The following PRKAR1B variants were observed in gnomAD, a reference collection of about 807,000 sequenced individuals.
The protein encoded by PRKAR1B is protein kinase cAMP-dependent type I regulatory subunit beta.
Under a neutral mutation model 46.5 loss-of-function variants are expected in PRKAR1B, and 22 were observed. The ratio of observed to expected loss-of-function variants is 0.47; its 90% CI spans 0.34 to 0.68. The LOEUF is 0.68. Ranked by LOEUF, PRKAR1B falls within the 30% of genes least tolerant of loss-of-function variation. The pLI is 0.01. For missense variants in PRKAR1B, 445 were observed against 535.6 expected (o/e 0.83, Z 1.67); for synonymous variants, 259 against 217.7 (o/e 1.19, Z -1.67).
rs912212325 is a variant in PRKAR1B, at chr7:637,822, A to T, written c.441-30370T>A. On this transcript the variant is annotated intron_variant, in intron 4 of 10. Transcript: ENST00000537384. ...CACTCCAGCCTGGGGGACAAGAGAG[A>T]GACTCCATCTAAAAAAATAAATAAA... Among the ~76,000 whole-genome samples, 4 of 151,854 alleles carry T rather than the reference A, an allele frequency of 2.6e-5. No homozygotes were observed. In the East Asian group the frequency reaches 7.7e-4, roughly 29 times the overall value.
chr7:588,606 G>A lies in PRKAR1B; in HGVS notation c.709-4038C>T, dbSNP rs200526498. On this transcript the variant is annotated intron_variant, in intron 7 of 10. Coordinates refer to ENST00000537384, the MANE Select transcript of PRKAR1B (RefSeq NM_001164760.2). ...GACAGTGGTGATGACGGTGGTGATGGTGATGGTGGTGATGGTGATGGTGGT... is the reference window on the plus strand; with the variant it reads ...GACAGTGGTGATGACGGTGGTGATGATGATGGTGGTGATGGTGATGGTGGT... Among the ~76,000 whole-genome samples, 53 of 108,820 alleles carry A rather than the reference G, an allele frequency of 4.9e-4. 2 individuals carry two copies. Among genetic ancestry groups the A allele is most frequent in the African/African-American group, 1.7e-3 (44 of 26,596 alleles). 71.4% of individuals were successfully genotyped at this position (108,820 alleles called of 152,430 possible). A position where few individuals can be genotyped will look rare whatever the true frequency, so the allele number is the denominator to read the frequency against.
chr7:603,322 G>A (rs144189642), intron 6 of PRKAR1B: 2,848 of 152,510 alleles, frequency 0.019, 34 homozygotes, highest in Middle Eastern at 0.048. Flanking sequence ...AAGCCCAGCC[G>A]CAGATAGATG....
chr7:718,555 C>T (rs887070751), intron 1 of PRKAR1B, among the ~76,000 whole-genome samples: 3 of 151,848 alleles, frequency 2.0e-5, no homozygotes, highest in African/African-American at 7.3e-5. Context: ...CGGGGTTTGA[C>T]CATGTTGGCC....
chr7:678,801 G>A (rs752029841), intron 3 of PRKAR1B, among the ~76,000 whole-genome samples: 4 of 152,214 alleles, frequency 2.6e-5, no homozygotes, highest in African/African-American at 7.2e-5. Flanking sequence ...AAATGTAAGT[G>A]TTGGATGGGC....
chr7:678,429 C>A (rs1778463482), intron 3 of PRKAR1B, among the ~76,000 whole-genome samples: 1 of 152,144 alleles, frequency 6.6e-6, no homozygotes, highest in Admixed American at 6.5e-5. Context: ...CTGCAGTCAC[C>A]CCACCGTGCA....
chr7:606,301 C>A lies in PRKAR1B; in HGVS notation c.503-62G>T, dbSNP rs539416999. 4 of 1,536,364 alleles carry A rather than the reference C, an allele frequency of 2.6e-6. No homozygotes were observed. In the African/African-American group the frequency reaches 5.5e-5, roughly 21 times the overall value. ...CATCCAGACATACAAGTTACAGTTT[C>A]TCTTGCAAACGACTTTCGCAACACT... On this transcript the variant is annotated intron_variant, in intron 5 of 10. Transcript: ENST00000537384.
intron 7 of PRKAR1B, among the ~76,000 whole-genome samples, chr7:595,013 CT>C (rs1015737788): frequency 6.6e-6 from 1 of 152,238 alleles, no homozygotes; most frequent in Non-Finnish European, 1.5e-5. Flanking sequence ...GCCCAGGGAA[CT>C]GGGTCCACAT....
rs1394712973 is a variant in PRKAR1B at position 714,096 on chromosome 7, C to T, written c.-22-2569G>A. Among the ~76,000 whole-genome samples the T allele has an allele frequency of 6.6e-6, 1 of 152,202 alleles. No homozygotes were observed. Among genetic ancestry groups the T allele is most frequent in the Non-Finnish European group, 1.5e-5 (1 of 68,036 alleles). On this transcript the variant is annotated intron_variant, in intron 1 of 10. Coordinates refer to ENST00000537384, the MANE Select transcript of PRKAR1B (RefSeq NM_001164760.2). The surrounding 1 kb of genome is among the most constrained non-coding windows in gnomAD (Gnocchi z 4.3). ...GGCCCCTCCACTCCCTCCTCCTCCT[C>T]CTCCAATTACTCCTGCTCCTCCAGG...
At chr7:554,104 G>A (rs564521707) in intron 9 of PRKAR1B, among the ~76,000 whole-genome samples, 67 of 152,246 alleles carry the variant, frequency 4.4e-4, no homozygotes, top group African/African-American at 1.5e-3. Flanking sequence ...GGCCAGACCC[G>A]GGCACAGCTC....
At chr7:588,092 C>A (rs1382248940) in intron 7 of PRKAR1B, among the ~76,000 whole-genome samples, 1 of 152,214 alleles carries the variant, frequency 6.6e-6, no homozygotes, top group African/African-American at 2.4e-5. Flanking sequence ...CCCAAGCCGC[C>A]CTCAGTGTCC....
intron 9 of PRKAR1B, 188 bp downstream of exon 9, chr7:579,068 G>A: frequency 1.0e-6 from 1 of 985,478 alleles, no homozygotes; most frequent in Non-Finnish European, 1.2e-6. Context: ...TAGAGGGCAG[G>A]AGGAATCTCA....
At chr7:606,459 G>A (rs1185610609) in intron 5 of PRKAR1B, among the ~76,000 whole-genome samples, 1 of 152,146 alleles carries the variant, frequency 6.6e-6, no homozygotes, top group Non-Finnish European at 1.5e-5. Context: ...TAAACAATGA[G>A]AGGTGTTTTT....
intron 8 of PRKAR1B, among the ~76,000 whole-genome samples, chr7:581,325 A>AG (rs1562535191): frequency 6.8e-6 from 1 of 146,126 alleles, no homozygotes; most frequent in African/African-American, 2.6e-5. Flanking sequence ...AAAAAAAAAA[A>AG]GTCTGTACCA....
intron 2 of PRKAR1B, among the ~76,000 whole-genome samples, chr7:701,385 C>T (rs767459933): frequency 1.4e-4 from 21 of 151,866 alleles, no homozygotes; most frequent in South Asian, 4.2e-4. Context: ...CAGGGACTTG[C>T]GGGAAAATAT....
intron 9 of PRKAR1B, among the ~76,000 whole-genome samples, chr7:561,132 A>ACCCC (rs1778764692): frequency 3.4e-5 from 5 of 146,666 alleles, no homozygotes; most frequent in African/African-American, 1.3e-4. Flanking sequence ...CAGGCACACA[A>ACCCC]ACACACACAC....
intron 4 of PRKAR1B, among the ~76,000 whole-genome samples, chr7:668,861 C>G (rs1786072315): frequency 1.3e-5 from 2 of 152,134 alleles, no homozygotes; most frequent in Admixed American, 6.5e-5. Flanking sequence ...AACGCAGTTG[C>G]CACCAAGAGG....
intron 9 of PRKAR1B, chr7:565,195 A>C (rs1421082699): frequency 2.0e-5 from 3 of 152,276 alleles, no homozygotes; most frequent in African/African-American, 7.2e-5. Context: ...GCTGAAGAGC[A>C]GGCTGGGGTC....
rs543350231 is a variant in PRKAR1B at position 597,586 on chromosome 7, G to A, written c.550-1282C>T. Among the ~76,000 whole-genome samples, 510 of 152,296 alleles carry A rather than the reference G, an allele frequency of 3.3e-3. 2 individuals carry two copies. The highest frequency in any genetic ancestry group is 9.4e-3 in the African/African-American group (392 of 41,564). ...CCACGGAGCCAGAGAGTACCCACCC[G>A]CGCGTGCAGGGATACGTGGAGGAGG... On this transcript the variant is annotated intron_variant, in intron 6 of 10. Transcript: ENST00000537384.
At chr7:660,963 T>C (rs1410234834) in intron 4 of PRKAR1B, among the ~76,000 whole-genome samples, 68 of 28,184 alleles carry the variant, frequency 2.4e-3, no homozygotes, top group Admixed American at 4.6e-3. Flanking sequence ...ACTCTTCCCC[T>C]CCATGGCACA....
Sources: allele counts gnomAD v4.1 joint callset (sites outside exome capture counted in the v4.1 genomes callset), GRCh38; gene constraint gnomAD v4.1.1; non-coding constraint Gnocchi (gnomAD v3.1); transcripts MANE v1.5; gene names NCBI Gene and HGNC (gene_info 2026-07-23, HGNC 2026-07-21).